Variants in HOXC4 observed in about 807,000 individuals in gnomAD.
The protein encoded by HOXC4 is homeobox protein Hox-C4.
Under a neutral mutation model 25.5 loss-of-function variants are expected in HOXC4, and 15 were observed. The ratio of observed to expected loss-of-function variants is 0.59; its 90% CI spans 0.39 to 0.91. The LOEUF is 0.91. Ranked by LOEUF, HOXC4 falls within the 40% of genes least tolerant of loss-of-function variation. The probability of loss-of-function intolerance (pLI) is 0.00; values close to 1 mark genes in which losing one functional copy is unlikely to be tolerated. For synonymous variants in HOXC4, 165 were observed against 148.0 expected, an observed-to-expected ratio of 1.11 and a Z score of -0.83; for missense variants, 342 against 352.4, an observed-to-expected ratio of 0.97 and a Z score of 0.24.
intron 1 of HOXC4, chr12:54,033,114 C>T (rs1941050255): frequency 1.9e-6 from 3 of 1,591,500 alleles, no homozygotes; most frequent in Non-Finnish European, 8.6e-7. Flanking sequence ...TTTTTGGGCC[C>T]TCCCCGCCAT....
At chr12:54,050,649 AT>A (rs1205442676), upstream of HOXC4, among the ~76,000 whole-genome samples, 1 of 149,458 alleles carries the variant, frequency 6.7e-6, no homozygotes, top group East Asian at 2.0e-4. Flanking sequence ...GTTTGTGTGT[AT>A]GTGTGTGGTA....
intron 1 of HOXC4, among the ~76,000 whole-genome samples, chr12:54,019,207 C>A (rs887532945): frequency 9.0e-6 from 1 of 111,538 alleles, no homozygotes; most frequent in South Asian, 3.2e-4. Context: ...ACTTGTGTGT[C>A]GGCAGAGGCG....
At chr12:54,044,756 C>T (rs1937661160) in intron 1 of HOXC4, among the ~76,000 whole-genome samples, 1 of 151,796 alleles carries the variant, frequency 6.6e-6, no homozygotes, top group African/African-American at 2.4e-5. Flanking sequence ...AGCCCCCAGC[C>T]TTCTCACATC....
At chr12:54,033,171 C>G in intron 1 of HOXC4, 2 of 1,614,206 alleles carry the variant, frequency 1.2e-6, no homozygotes, top group South Asian at 2.2e-5. Context: ...CCCCAATATC[C>G]CTGCCTATAA....
chr12:54,033,302 G>T (rs139064806), intron 1 of HOXC4: 127 of 1,614,118 alleles, frequency 7.9e-5, no homozygotes, highest in Non-Finnish European at 1.0e-4. Context: ...CTCTCCACGG[G>T]GTAGACATGG....
intron 1 of HOXC4, among the ~76,000 whole-genome samples, chr12:54,024,388 G>A (rs191205734): frequency 1.3e-5 from 2 of 152,264 alleles, no homozygotes; most frequent in Admixed American, 1.3e-4. Context: ...TTGCAGCGCG[G>A]CAGTCAGGAA....
intron 1 of HOXC4, chr12:54,033,197 G>A: frequency 6.2e-7 from 1 of 1,614,170 alleles, no homozygotes; most frequent in Non-Finnish European, 8.5e-7. Context: ...AAACTTGTGG[G>A]AACTATGGAT....
intron 1 of HOXC4, chr12:54,034,195 T>G (rs1161511140): frequency 1.2e-5 from 15 of 1,270,928 alleles, no homozygotes; most frequent in Admixed American, 1.7e-5. Flanking sequence ...CGGCCGCGGG[T>G]GGGGGCCTGG....
chr12:54,022,072 AGCCCTTCCCTT>A (rs932337460), intron 1 of HOXC4: 1 of 152,222 alleles, frequency 6.6e-6, no homozygotes, highest in Non-Finnish European at 1.5e-5. Context: ...ACTTCTGAGC[AGCCCTTCCCTT>A]GCCTAGGCTT....
intron 1 of HOXC4, chr12:54,034,611 C>T (rs1941132415): frequency 2.5e-6 from 2 of 801,794 alleles, no homozygotes; most frequent in Non-Finnish European, 3.9e-6. Flanking sequence ...ACTGGGCTCC[C>T]GGGCCCCACA....
chr12:54,049,708 A>G (rs1023247480), upstream of HOXC4, among the ~76,000 whole-genome samples: 15 of 151,004 alleles, frequency 9.9e-5, no homozygotes, highest in African/African-American at 2.9e-4. Flanking sequence ...TTTTGCATAC[A>G]TTAGCCCTGG....
chr12:54,033,050 CCCT>C (rs1396789126), intron 1 of HOXC4: 1 of 1,265,210 alleles, frequency 7.9e-7, no homozygotes, highest in Non-Finnish European at 1.1e-6. Flanking sequence ...AACAAAAAAC[CCCT>C]CAACTTCAAA....
At chr12:54,043,649 A>G (rs1305274980) in intron 1 of HOXC4, among the ~76,000 whole-genome samples, 2 of 150,882 alleles carry the variant, frequency 1.3e-5, no homozygotes, top group African/African-American at 4.9e-5. Context: ...CTTTCTGGAA[A>G]ACTCAAACGC....
chr12:54,031,258 C>A (rs956467413), intron 1 of HOXC4, among the ~76,000 whole-genome samples: 1 of 152,150 alleles, frequency 6.6e-6, no homozygotes, highest in African/African-American at 2.4e-5. Flanking sequence ...CGGGGGGCGC[C>A]GTGAGAGCAA....
intron 1 of HOXC4, chr12:54,048,008 A>G (rs1381140711): frequency 1.3e-5 from 2 of 151,960 alleles, no homozygotes; most frequent in East Asian, 3.9e-4. Flanking sequence ...GCACTAAGAA[A>G]TCTCTCTCGG....
intron 1 of HOXC4, among the ~76,000 whole-genome samples, chr12:54,048,593 C>T (rs1565752232): frequency 6.6e-6 from 1 of 152,142 alleles, no homozygotes; most frequent in Non-Finnish European, 1.5e-5. Context: ...CTGATGCTGA[C>T]CCTGGAGAGG....
At chr12:54,046,616 T>C (rs2065228855) in intron 1 of HOXC4, among the ~76,000 whole-genome samples, 2 of 152,068 alleles carry the variant, frequency 1.3e-5, no homozygotes, top group South Asian at 4.2e-4. Context: ...CACAACGTGG[T>C]AGAATAAGCA....
In HOXC4 at chr12:54,026,964, TGGG is replaced by T. The variant is rs71068201; in HGVS notation, c.-124+9560_-124+9562del. ...CCCCCCCCAACCCACCCAAAAATGG[TGGG>T]GGGGGGGGGATATGAGCTTTCTCTG... On this transcript the variant is annotated intron_variant, in intron 1 of 3. Coordinates refer to the HOXC4 transcript ENST00000303406. Among the ~76,000 whole-genome samples, 1,046 of 127,340 alleles carry T rather than the reference TGGG, an allele frequency of 8.2e-3. 13 individuals are homozygous for T. The highest frequency in any genetic ancestry group is 0.026 in the African/African-American group (917 of 35,028). The allele number at this position is 127,340 out of a possible 152,430, so 83.5% of individuals were successfully genotyped here. A position where few individuals can be genotyped will look rare whatever the true frequency, so the allele number is the denominator to read the frequency against.
intron 1 of HOXC4, among the ~76,000 whole-genome samples, chr12:54,031,765 G>A (rs1375399217): frequency 6.6e-6 from 1 of 152,240 alleles, no homozygotes; most frequent in Non-Finnish European, 1.5e-5. Flanking sequence ...CTGGGAAGAA[G>A]CAGGCAGGGA....
Sources: gnomAD v4.1 joint callset for allele counts (sites outside exome capture counted in the v4.1 genomes callset) on GRCh38, gnomAD v4.1.1 for gene constraint, MANE v1.5 for transcripts, NCBI Gene and HGNC (gene_info 2026-07-23, HGNC 2026-07-21) for gene names.